Variants in MAP2 observed in about 807,000 individuals in gnomAD.
MAP2 encodes the protein microtubule associated protein 2.
A neutral mutation model predicts 137.6 loss-of-function variants in MAP2; 14 were observed. The observed-to-expected ratio is 0.10, with a 90% CI of 0.07 to 0.16. MAP2 has a LOEUF of 0.16. Among genes scored for constraint, MAP2 ranks in the 10% least tolerant of loss-of-function variants. The pLI is 1.00. For missense variants in MAP2, 2,088 were observed against 2,191.5 expected (o/e 0.95, Z 0.94); for synonymous variants, 786 against 782.3 (o/e 1.00, Z -0.08).
intron 3 of MAP2, among the ~76,000 whole-genome samples, chr2:209,603,723 T>C (rs1316436083): frequency 6.6e-6 from 1 of 152,098 alleles, no homozygotes; most frequent in Non-Finnish European, 1.5e-5. Flanking sequence ...TGACAGAATA[T>C]CTCTCAATTT....
intron 7 of MAP2, among the ~76,000 whole-genome samples, chr2:209,691,146 C>T (rs1029339143): frequency 6.6e-6 from 1 of 151,200 alleles, no homozygotes; most frequent in Non-Finnish European, 1.5e-5. Flanking sequence ...TACCCGCCCC[C>T]CCTCATCTCA....
intron 1 of MAP2, among the ~76,000 whole-genome samples, chr2:209,482,041 A>T (rs975732235): frequency 6.6e-5 from 10 of 152,210 alleles, no homozygotes; most frequent in African/African-American, 2.4e-4. Flanking sequence ...TAAGTAGAAC[A>T]TCTTAGAAGA....
intron 5 of MAP2, among the ~76,000 whole-genome samples, chr2:209,658,398 G>T (rs2041884798): frequency 2.0e-5 from 3 of 151,764 alleles, no homozygotes; most frequent in Admixed American, 2.0e-4. Context: ...GCAAAAACAG[G>T]GATGTGCAAA....
intron 2 of MAP2, among the ~76,000 whole-genome samples, chr2:209,568,155 G>A (rs530591255): frequency 1.3e-5 from 2 of 152,008 alleles, no homozygotes; most frequent in East Asian, 1.9e-4. Context: ...TTGGTACAAG[G>A]ACTAGAGGAA....
chr2:209,541,320 C>T (rs772316673), intron 2 of MAP2, among the ~76,000 whole-genome samples: 2 of 151,226 alleles, frequency 1.3e-5, no homozygotes, highest in Non-Finnish European at 2.9e-5. Context: ...ATGAGCCACC[C>T]GCGCCTGGCC....
chr2:209,552,732 G>A (rs1008274204), intron 2 of MAP2, among the ~76,000 whole-genome samples: 51 of 151,860 alleles, frequency 3.4e-4, no homozygotes, highest in African/African-American at 7.7e-4. Flanking sequence ...GTTGTGGCAC[G>A]CACCTGTAGT....
chr2:209,436,002 TATACAGTATATATTATATATAA>T (rs1696071344), intron 1 of MAP2, among the ~76,000 whole-genome samples: 1 of 69,806 alleles, frequency 1.4e-5, no homozygotes, highest in African/African-American at 2.6e-4. Flanking sequence ...ATATACTATA[TATACAGTATATATTATATATAA>T]AATATATATA....
chr2:209,721,921 A>G (rs1004942080), intron 13 of MAP2: 4 of 152,182 alleles, frequency 2.6e-5, no homozygotes, highest in African/African-American at 9.7e-5. Flanking sequence ...GTAAGTCAAA[A>G]TTATTTGCTT....
intron 3 of MAP2, among the ~76,000 whole-genome samples, chr2:209,593,636 T>A (rs796590863): frequency 0.42 from 5,606 of 13,242 alleles, 1,273 homozygotes; most frequent in Non-Finnish European, 0.51. Flanking sequence ...AAAAAAAAAA[T>A]ATATATATAT....
intron 3 of MAP2, among the ~76,000 whole-genome samples, chr2:209,622,944 G>A (rs2091546837): frequency 6.6e-6 from 1 of 151,986 alleles, no homozygotes; most frequent in African/African-American, 2.4e-5. Context: ...TCATCCTTTG[G>A]CCAATAATTT....
At chr2:209,618,964 T>G (rs2090351339) in intron 3 of MAP2, among the ~76,000 whole-genome samples, 1 of 151,992 alleles carries the variant, frequency 6.6e-6, no homozygotes, top group African/African-American at 2.4e-5. Flanking sequence ...AAGAAAAAAA[T>G]TTGCAACTAC....
intron 5 of MAP2, among the ~76,000 whole-genome samples, chr2:209,666,541 T>C (rs1156862457): frequency 6.6e-6 from 1 of 151,998 alleles, no homozygotes; most frequent in Non-Finnish European, 1.5e-5. Flanking sequence ...TGAAGAAAAA[T>C]GTGTTATGAA....
At position 209,693,598 on chromosome 2, in the gene MAP2, C is replaced by T. The variant is rs754008328; in HGVS notation, c.1428C>T (p.Ser476=). The stretch of plus-strand genomic sequence containing the variant: ...AAGAAATAGGCATAATTCAGACCTC[C>T]ACAGAGCACACTTTCTCAGAACAGA... ...ADEEIGIIQT[S]TEHTFSEQKD... Residue 476 remains serine (S), a synonymous_variant, in exon 8 of 16, where the codon TCC becomes TCT. Coordinates refer to ENST00000682079, the MANE Select transcript of MAP2 (RefSeq NM_001375505.1). 1 of 1,613,970 alleles carries T rather than the reference C, an allele frequency of 6.2e-7. No individual in the cohort carries two copies.
rs74869526 is a variant in MAP2 at position 209,486,994 on chromosome 2, T to A, written c.-221-20598T>A. Among the ~76,000 whole-genome samples, 1,035 of 152,318 alleles carry A rather than the reference T, an allele frequency of 6.8e-3. 8 individuals are homozygous for A. Among genetic ancestry groups the A allele is most frequent in the African/African-American group, 0.023 (974 of 41,568 alleles). ...CCAGACATGGGATTTCCTTTTGTAGTGTATAGATTCCATTAGAATTCTGAC... is the reference window on the plus strand; with the variant it reads ...CCAGACATGGGATTTCCTTTTGTAGAGTATAGATTCCATTAGAATTCTGAC... On this transcript the variant is annotated intron_variant, in intron 1 of 15. Transcript: ENST00000682079.
intron 2 of MAP2, among the ~76,000 whole-genome samples, chr2:209,526,252 A>T (rs1385839243): frequency 6.6e-6 from 1 of 152,106 alleles, no homozygotes; most frequent in Non-Finnish European, 1.5e-5. Flanking sequence ...TTAAAAGAGG[A>T]AACTAGGAGT....
chr2:209,694,429 G>A lies in MAP2; in HGVS notation c.2259G>A (p.Leu753=). 1 of 1,614,080 alleles carries A rather than the reference G, an allele frequency of 6.2e-7. No individual in the cohort carries two copies. The stretch of plus-strand genomic sequence containing the variant: ...ACCTTCCAGCCACCACACCTGCACT[G>A]GAGAAAGCCCCTTGCTTCCCTGTAG... The part of the protein sequence containing the change: ...DDYLPATTPA[L]EKAPCFPVES... Residue 753 remains leucine (L), a synonymous_variant, in exon 8 of 16, where the codon CTG becomes CTA. Coordinates refer to ENST00000682079, the MANE Select transcript of MAP2 (RefSeq NM_001375505.1).
chr2:209,726,790 AT>A (rs2074223113), intron 14 of MAP2, among the ~76,000 whole-genome samples: 1 of 152,138 alleles, frequency 6.6e-6, no homozygotes, highest in South Asian at 2.1e-4. Context: ...CTCCATAGAT[AT>A]GTAATAAAAG....
intron 3 of MAP2, among the ~76,000 whole-genome samples, chr2:209,606,167 A>G (rs2084679462): frequency 6.6e-6 from 1 of 152,156 alleles, no homozygotes; most frequent in Non-Finnish European, 1.5e-5. Flanking sequence ...GAGAACATCC[A>G]TTTGATTGAT....
At chr2:209,564,842 C>T (rs2073055182) in intron 2 of MAP2, among the ~76,000 whole-genome samples, 1 of 152,086 alleles carries the variant, frequency 6.6e-6, no homozygotes, top group African/African-American at 2.4e-5. Context: ...TTCCATTCTC[C>T]TGCCCCCACA....
Sources: allele counts gnomAD v4.1 joint callset (sites outside exome capture counted in the v4.1 genomes callset), GRCh38; gene constraint gnomAD v4.1.1; transcripts MANE v1.5; gene names NCBI Gene and HGNC (gene_info 2026-07-23, HGNC 2026-07-21).